The following MYH11 variants were observed in gnomAD, a reference collection of about 807,000 sequenced individuals.
MYH11 encodes the protein myosin-11.
A neutral mutation model predicts 246.6 loss-of-function variants in MYH11; 80 were observed. The ratio of observed to expected loss-of-function variants is 0.32; its 90% CI spans 0.27 to 0.39. The LOEUF (loss-of-function observed/expected upper bound fraction) is 0.39, where lower values mean the gene tolerates loss of function less well. Ranked by LOEUF, MYH11 falls within the 10% of genes least tolerant of loss-of-function variation. MYH11 has a pLI of 1.00. For synonymous variants in MYH11, 1,071 were observed against 1,015.5 expected (o/e 1.05, Z -1.04); for missense variants, 2,158 against 2,546.8 (o/e 0.85, Z 3.29).
At chr16:15,812,551 TAAAAAAAAAA>T (rs71134466) in intron 3 of MYH11, among the ~76,000 whole-genome samples, 9 of 37,408 alleles carry the variant, frequency 2.4e-4, no homozygotes, top group Non-Finnish European at 3.1e-4. Flanking sequence ...ATCTTATCTC[TAAAAAAAAAA>T]AAAAAAAAAA....
chr16:15,745,220 T>C lies in MYH11; in HGVS notation c.2429A>G (p.Gln810Arg), dbSNP rs1202010177. 1.2e-6 allele frequency: 2 copies of C among 1,612,550 alleles called. No individual in the cohort carries two copies. The highest frequency in any genetic ancestry group is 1.7e-6 in the Non-Finnish European group (2 of 1,179,298). ...CACCTTCATGGCGGTCAGCTGCTGCTGCCTCTTGGCAAAAGCCCTAGGGAG... is the reference window on the plus strand; with the variant it reads ...CACCTTCATGGCGGTCAGCTGCTGCCGCCTCTTGGCAAAAGCCCTAGGGAG... ...YLARKAFAKR[Q>R]QQLTAMKVIQ... Residue 810 changes from glutamine to arginine, a missense_variant, in exon 20 of 41, where the codon CAG becomes CGG. Gln to Arg is a conservative substitution (Grantham distance 43). This residue lies in a region of MYH11 where 90 missense variants were observed against 144.2 expected (regional missense o/e 0.62). Coordinates refer to ENST00000300036, the MANE Select transcript of MYH11 (RefSeq NM_002474.3).
At chr16:15,775,702 G>C (rs1359236267) in intron 8 of MYH11, 1 of 246,650 alleles carries the variant, frequency 4.1e-6, no homozygotes, top group Non-Finnish European at 7.9e-6. Context: ...AAACCAGAAT[G>C]CATCTTTTAT....
At chr16:15,718,618 A>G in intron 36 of MYH11, 180 bp from the exon 37 acceptor site, 9 of 938,110 alleles carry the variant, frequency 9.6e-6, no homozygotes, top group Non-Finnish European at 1.2e-5. Flanking sequence ...GCCGGGACTC[A>G]GGCCGGGTCC....
rs554373758 is a variant in MYH11 at position 15,757,962 on chromosome 16, G to C, written c.1440C>G (p.Asn480Lys). The C allele has an allele frequency of 1.2e-6, 2 of 1,614,194 alleles. No individual in the cohort carries two copies. Among genetic ancestry groups the C allele is most frequent in the Non-Finnish European group, 1.7e-6 (2 of 1,180,036 alleles). Residue 480 changes from asparagine to lysine, a missense_variant, in exon 13 of 41, where the codon AAC (asparagine) becomes AAG (lysine). Transcript: ENST00000300036. ...SFEQLCINYT[N>K]EKLQQLFNHT... The stretch of plus-strand genomic sequence containing the variant: ...GGTTGAAGAGCTGCTGCAGCTTCTC[G>C]TTGGTGTAGTTGATGCACAGCTGCT...
At position 15,822,073 on chromosome 16, in the gene MYH11, T is replaced by C. The variant is rs537260299; in HGVS notation, c.502+1182A>G. Among the ~76,000 whole-genome samples, 12 of 152,356 alleles carry C rather than the reference T, an allele frequency of 7.9e-5. No homozygotes were observed. The South Asian group carries it at 2.5e-3, about 32-fold the overall frequency. On this transcript the variant is annotated intron_variant, in intron 3 of 40. Transcript: ENST00000300036. ...CCTAGAAGGGCCAAGATTCTGGTCC[T>C]ACCTGTGGAGTCTGGCTCACTGTCA...
chr16:15,843,777 A>G lies in MYH11; in HGVS notation c.-17-5508T>C, dbSNP rs549990353. ...AGTTCTACCAGTAATTGCTAAAACCATTAGGCCAATGGGGCTCACATTTCC... is the reference window on the plus strand; with the variant it reads ...AGTTCTACCAGTAATTGCTAAAACCGTTAGGCCAATGGGGCTCACATTTCC... On this transcript the variant is annotated intron_variant, in intron 1 of 40. Coordinates refer to ENST00000300036, the MANE Select transcript of MYH11 (RefSeq NM_002474.3). 8.5e-5 allele frequency among the ~76,000 whole-genome samples: 13 copies of G among 152,206 alleles called. No individual in the cohort carries two copies. The South Asian group carries it at 2.7e-3, about 32-fold the overall frequency.
chr16:15,846,886 CG>C (rs1319504312), intron 1 of MYH11, among the ~76,000 whole-genome samples: 1 of 151,948 alleles, frequency 6.6e-6, no homozygotes, highest in Non-Finnish European at 1.5e-5. Context: ...CTCAGGAGGT[CG>C]GGGATGCAGT....
chr16:15,846,910 T>G (rs62031676), intron 1 of MYH11, among the ~76,000 whole-genome samples: 15,507 of 152,122 alleles, frequency 0.1, 1,062 homozygotes, highest in Middle Eastern at 0.17. Flanking sequence ...GCCATGATCA[T>G]GCCACTGCAC....
chr16:15,745,106 G>T, intron 20 of MYH11, 23 bp downstream of exon 20: 1 of 1,592,488 alleles, frequency 6.3e-7, no homozygotes. Context: ...CCCCTGGGAA[G>T]GGGGCTGGGG....
intron 10 of MYH11, 58 bp downstream of exon 10, chr16:15,763,738 A>AGCTGGGGGGGCCCCCCCCCC: frequency 2.8e-6 from 2 of 717,690 alleles, no homozygotes; most frequent in Non-Finnish European, 2.6e-6. Flanking sequence ...GTTAAATGTC[A>AGCTGGGGGGGCCCCCCCCCC]CCTCCCCCAC....
intron 11 of MYH11, 103 bp downstream of exon 11, chr16:15,760,437 G>T (rs573748137): frequency 3.2e-6 from 3 of 927,126 alleles, no homozygotes; most frequent in Non-Finnish European, 5.4e-6. Flanking sequence ...CAGACCATGG[G>T]TGAATGGATT....
Position 15,737,636 on chromosome 16 carries a change from T to C in MYH11, c.3122-16A>G. The C allele has an allele frequency of 6.2e-7, 1 of 1,609,700 alleles. No homozygotes were observed. Among genetic ancestry groups the C allele is most frequent in the Non-Finnish European group, 8.5e-7 (1 of 1,179,912 alleles). On this transcript the variant is annotated splice_polypyrimidine_tract_variant and intron_variant, in intron 24 of 40. Transcript: ENST00000300036. ...TTTAGCCGCACTGCAAAAACCAAGG[T>C]GCTCTTCAGGAAGGGGAGGCCCCAG...
chr16:15,705,523 A>T (rs550163224), intron 40 of MYH11, among the ~76,000 whole-genome samples: 1 of 152,310 alleles, frequency 6.6e-6, no homozygotes, highest in East Asian at 1.9e-4. Flanking sequence ...CAACCGCAAC[A>T]AATAATTATG....
intron 40 of MYH11, among the ~76,000 whole-genome samples, chr16:15,712,694 G>A (rs1378800657): frequency 6.6e-6 from 1 of 151,922 alleles, no homozygotes; most frequent in African/African-American, 2.4e-5. Context: ...CCCACAGGTC[G>A]GGGGACAAGC....
chr16:15,802,587 T>C (rs2042912814), intron 3 of MYH11, among the ~76,000 whole-genome samples: 1 of 152,188 alleles, frequency 6.6e-6, no homozygotes, highest in African/African-American at 2.4e-5. Flanking sequence ...TAGCTGGGAC[T>C]ATAGGCACAT....
intron 3 of MYH11, among the ~76,000 whole-genome samples, chr16:15,803,620 C>A (rs1481271762): frequency 6.6e-6 from 1 of 152,136 alleles, no homozygotes; most frequent in Non-Finnish European, 1.5e-5. Flanking sequence ...ACAGAGAGAA[C>A]CTCCTGGGAC....
chr16:15,826,016 A>C (rs1040722126), intron 2 of MYH11, among the ~76,000 whole-genome samples: 14 of 152,148 alleles, frequency 9.2e-5, no homozygotes, highest in South Asian at 6.2e-4. Context: ...AAGTGACTTG[A>C]CCGAGGTCAC....
intron 40 of MYH11, among the ~76,000 whole-genome samples, chr16:15,707,755 T>G (rs2039534760): frequency 1.3e-5 from 2 of 152,178 alleles, no homozygotes; most frequent in Non-Finnish European, 2.9e-5. Flanking sequence ...GCGGATCACC[T>G]GAAGTCAGGA....
intron 1 of MYH11, among the ~76,000 whole-genome samples, chr16:15,854,552 C>T (rs913820038): frequency 1.3e-5 from 2 of 152,138 alleles, no homozygotes; most frequent in African/African-American, 4.8e-5. Context: ...AAGATAATGT[C>T]CACAAAGCGT....
Sources: gnomAD v4.1 joint callset for allele counts (sites outside exome capture counted in the v4.1 genomes callset) on GRCh38, gnomAD v4.1.1 for gene constraint, gnomAD v4.1.1 regional missense constraint, MANE v1.5 for transcripts, NCBI Gene and HGNC (gene_info 2026-07-23, HGNC 2026-07-21) for gene names.